MCPH1: variants seen among roughly 807,000 people sequenced by gnomAD.
The protein encoded by MCPH1 is microcephalin.
A neutral mutation model predicts 84.5 loss-of-function variants in MCPH1; 104 were observed. That is an observed-to-expected ratio of 1.23 (90% CI 1.05 to 1.45). The LOEUF is 1.45. Among genes scored for constraint, MCPH1 ranks in the 40% most tolerant of loss-of-function variants. The pLI, the probability that MCPH1 is intolerant of heterozygous loss-of-function variation, is 0.00. For missense variants in MCPH1, 1,498 were observed against 1,005.7 expected (o/e 1.49, Z -6.62); for synonymous variants, 514 against 366.8 (o/e 1.40, Z -4.58).
intron 9 of MCPH1, among the ~76,000 whole-genome samples, chr8:6,463,475 G>T (rs375619537): frequency 8.5e-5 from 13 of 152,222 alleles, no homozygotes; most frequent in East Asian, 7.7e-4. Context: ...CTCTAATCAT[G>T]TCTTTATTGC....
chr8:6,481,919 C>A (rs974019761), intron 11 of MCPH1, among the ~76,000 whole-genome samples: 13 of 152,094 alleles, frequency 8.5e-5, no homozygotes, highest in African/African-American at 2.7e-4. Flanking sequence ...ATGGGAAATC[C>A]CAGAAAATAA....
chr8:6,621,815 C>T (rs2129580799), intron 13 of MCPH1, 124 bp downstream of exon 13: 2 of 1,272,530 alleles, frequency 1.6e-6, no homozygotes, highest in Non-Finnish European at 2.3e-6. Flanking sequence ...ATGTCTCAGC[C>T]TCCAGCATCT....
intron 5 of MCPH1, among the ~76,000 whole-genome samples, chr8:6,438,303 T>G (rs748282906): frequency 2.2e-4 from 33 of 152,226 alleles, no homozygotes; most frequent in Non-Finnish European, 4.0e-4. Flanking sequence ...TTGTCAGAAC[T>G]ACAGTAAGGG....
intron 12 of MCPH1, among the ~76,000 whole-genome samples, chr8:6,510,621 C>G (rs1304453528): frequency 3.3e-5 from 5 of 152,156 alleles, no homozygotes; most frequent in Non-Finnish European, 7.4e-5. Context: ...CACTGAGGTT[C>G]AGAGATATAA....
chr8:6,520,109 AG>A (rs1422674121), intron 12 of MCPH1: 2 of 1,152,852 alleles, frequency 1.7e-6, no homozygotes, highest in African/African-American at 3.1e-5. Flanking sequence ...AGTAAGCAAA[AG>A]GCTGTACCAC....
At chr8:6,409,663 A>G (rs1242317715) in intron 2 of MCPH1, among the ~76,000 whole-genome samples, 2 of 145,790 alleles carry the variant, frequency 1.4e-5, no homozygotes, top group East Asian at 4.1e-4. Context: ...AGGAAAAGGA[A>G]CAGGTTTCTA....
At chr8:6,562,746 A>C in intron 12 of MCPH1, 1 of 1,613,780 alleles carries the variant, frequency 6.2e-7, no homozygotes, top group Non-Finnish European at 8.5e-7. Flanking sequence ...TCTGCACAGC[A>C]TTGGACACGT....
In MCPH1 at chr8:6,447,419, A is replaced by G. The variant is rs926901630; in HGVS notation, c.1825+1872A>G. 1.4e-5 allele frequency: 14 copies of G among 985,204 alleles called. No homozygotes were observed. In the African/African-American group the frequency reaches 2.3e-4, roughly 16 times the overall value. 61.0% of individuals were successfully genotyped at this position (985,204 alleles called of 1,614,324 possible). A position where few individuals can be genotyped will look rare whatever the true frequency, so the allele number is the denominator to read the frequency against. On this transcript the variant is annotated intron_variant, in intron 8 of 13. Transcript: ENST00000344683. ...TTTTTGCCATTTCTGTTTTCAGTTCACTTTTACTTGTTGCTGTTGTCAGTA... is the reference window on the plus strand; with the variant it reads ...TTTTTGCCATTTCTGTTTTCAGTTCGCTTTTACTTGTTGCTGTTGTCAGTA...
chr8:6,609,163 A>C (rs1830031058), intron 12 of MCPH1, among the ~76,000 whole-genome samples: 1 of 151,880 alleles, frequency 6.6e-6, no homozygotes. Flanking sequence ...TAAGTTGTGT[A>C]GTTCTTTCCC....
At chr8:6,470,113 A>G (rs1204199776) in intron 9 of MCPH1, among the ~76,000 whole-genome samples, 5 of 152,186 alleles carry the variant, frequency 3.3e-5, no homozygotes. Flanking sequence ...TGTAGTAGAT[A>G]CCTTGACATA....
intron 12 of MCPH1, among the ~76,000 whole-genome samples, chr8:6,593,135 G>C (rs1828647492): frequency 7.1e-6 from 1 of 141,248 alleles, no homozygotes; most frequent in African/African-American, 2.6e-5. Context: ...CCAGGCTGCA[G>C]TGCAATGGCA....
intron 13 of MCPH1, among the ~76,000 whole-genome samples, chr8:6,637,720 T>G (rs1586894764): frequency 6.6e-6 from 1 of 152,198 alleles, no homozygotes; most frequent in South Asian, 2.1e-4. Context: ...TTTGAACTCC[T>G]GGGCTCAACG....
chr8:6,430,264 G>A (rs1801645915), intron 3 of MCPH1, among the ~76,000 whole-genome samples: 1 of 152,196 alleles, frequency 6.6e-6, no homozygotes, highest in Admixed American at 6.5e-5. Flanking sequence ...TTTCTCTGAT[G>A]CCTGGCTTAA....
chr8:6,560,630 A>G (rs1447299820), intron 12 of MCPH1, among the ~76,000 whole-genome samples: 3 of 152,228 alleles, frequency 2.0e-5, no homozygotes, highest in Non-Finnish European at 2.9e-5. Flanking sequence ...GGGAAACGGT[A>G]TTTAGCTAGA....
intron 12 of MCPH1, among the ~76,000 whole-genome samples, chr8:6,567,503 C>T (rs933310581): frequency 2.6e-5 from 4 of 152,186 alleles, no homozygotes; most frequent in African/African-American, 9.7e-5. Flanking sequence ...GAGAAAGTGC[C>T]ACACTGAAGT....
intron 12 of MCPH1, chr8:6,521,404 T>A: frequency 6.2e-7 from 1 of 1,607,652 alleles, no homozygotes; most frequent in Non-Finnish European, 8.5e-7. Context: ...CCTTCTTTTC[T>A]AGGAAACTTG....
At chr8:6,634,534 A>G (rs564315136) in intron 13 of MCPH1, among the ~76,000 whole-genome samples, 1 of 152,226 alleles carries the variant, frequency 6.6e-6, no homozygotes, top group Non-Finnish European at 1.5e-5. Flanking sequence ...GCATAAGTGT[A>G]AACCTGCTCT....
At chr8:6,630,794 CAAA>C (rs11313780) in intron 13 of MCPH1, among the ~76,000 whole-genome samples, 3 of 129,528 alleles carry the variant, frequency 2.3e-5, no homozygotes, top group Non-Finnish European at 3.4e-5. Context: ...AAAAAAAAAA[CAAA>C]AAAAAAAAAC....
At chr8:6,622,359 A>T (rs1831537223) in intron 13 of MCPH1, 1 of 156,170 alleles carries the variant, frequency 6.4e-6, no homozygotes, top group African/African-American at 2.4e-5. Context: ...GGAGACTTGC[A>T]GGTGATCCCC....
Sources: allele counts gnomAD v4.1 joint callset (sites outside exome capture counted in the v4.1 genomes callset), GRCh38; gene constraint gnomAD v4.1.1; transcripts MANE v1.5; gene names NCBI Gene and HGNC (gene_info 2026-07-23, HGNC 2026-07-21).